Variants in TJP2 observed in about 807,000 individuals in gnomAD.
TJP2 encodes Friedreich ataxia region gene X104 (tight junction protein ZO-2).
A neutral mutation model predicts 133.1 loss-of-function variants in TJP2; 91 were observed. The ratio of observed to expected loss-of-function variants is 0.68; its 90% CI spans 0.58 to 0.81. The LOEUF (loss-of-function observed/expected upper bound fraction) is 0.81. Ranked by LOEUF, TJP2 falls within the 40% of genes least tolerant of loss-of-function variation. The probability of loss-of-function intolerance (pLI) is 0.00; values close to 1 mark genes in which losing one functional copy is unlikely to be tolerated. For synonymous variants in TJP2, 592 were observed against 583.4 expected (o/e 1.01, Z -0.21); for missense variants, 1,541 against 1,565.6 (o/e 0.98, Z 0.26).
chr9:69,157,588 C>G (rs984141235), intron 2 of TJP2, among the ~76,000 whole-genome samples: 1 of 151,762 alleles, frequency 6.6e-6, no homozygotes, highest in Non-Finnish European at 1.5e-5. Context: ...GCCTCAGCCT[C>G]TTGAGTAGCT....
intron 1 of TJP2, among the ~76,000 whole-genome samples, chr9:69,191,690 A>G (rs1376467131): frequency 6.6e-6 from 1 of 152,170 alleles, no homozygotes; most frequent in Non-Finnish European, 1.5e-5. Context: ...TCAAAGTCTG[A>G]TGTACAATAG....
At chr9:69,193,049 G>T (rs1330782149) in intron 1 of TJP2, among the ~76,000 whole-genome samples, 1 of 151,322 alleles carries the variant, frequency 6.6e-6, no homozygotes, top group African/African-American at 2.4e-5. Flanking sequence ...CTGAGTAGCT[G>T]GCACTACAGG....
intron 9 of TJP2, 24 bp from the exon 10 acceptor site, chr9:69,229,160 C>T: frequency 6.2e-7 from 1 of 1,609,040 alleles, no homozygotes; most frequent in Non-Finnish European, 8.5e-7. Context: ...AGATTGATAA[C>T]AGTAGATGTT....
intron 22 of TJP2, 27 bp downstream of exon 22, chr9:69,252,927 C>G: frequency 6.2e-7 from 1 of 1,607,702 alleles, no homozygotes. Flanking sequence ...GGGTACAGGT[C>G]TAAGGCGGGG....
chr9:69,162,245 TAAG>T (rs1824119609), intron 2 of TJP2, among the ~76,000 whole-genome samples: 1 of 150,064 alleles, frequency 6.7e-6, no homozygotes, highest in Non-Finnish European at 1.5e-5. Context: ...ACTTTACTAT[TAAG>T]TAAATATTGT....
rs183021340 is a variant in TJP2 at position 69,196,089 on chromosome 9, A to G, written c.61-16459A>G. 3.1e-4 allele frequency among the ~76,000 whole-genome samples: 47 copies of G among 152,256 alleles called. 1 individual carries two copies. The highest frequency in any genetic ancestry group is 9.4e-4 in the African/African-American group (39 of 41,542). On this transcript the variant is annotated intron_variant, in intron 1 of 22. Transcript: ENST00000377245. ...GCAGTGCTCTCTCCACAGCCTCCCAATGTGCTGGGATTACAGGCATGAGAC... is the reference window on the plus strand; with the variant it reads ...GCAGTGCTCTCTCCACAGCCTCCCAGTGTGCTGGGATTACAGGCATGAGAC...
rs539658151 is a variant in TJP2, at chr9:69,244,425, C to T, written c.2567-2265C>T. Among the ~76,000 whole-genome samples the T allele has an allele frequency of 2.6e-5, 4 of 152,256 alleles. No individual in the cohort carries two copies. The South Asian group carries it at 8.3e-4, about 32-fold the overall frequency. The stretch of plus-strand genomic sequence containing the variant: ...TCCTTGGCTGGGGAGGGGGAGGTAG[C>T]ACTGACCATACATGTCAGGGCTGGG... On this transcript the variant is annotated intron_variant, in intron 17 of 22. Transcript: ENST00000377245.
At chr9:69,158,967 T>C (rs1020577009) in intron 2 of TJP2, among the ~76,000 whole-genome samples, 1 of 150,806 alleles carries the variant, frequency 6.6e-6, no homozygotes, top group Non-Finnish European at 1.5e-5. Context: ...GCAATCCCCT[T>C]GGGCAGGATT....
upstream of TJP2, among the ~76,000 whole-genome samples, chr9:69,170,425 T>C (rs531453349): frequency 3.3e-4 from 50 of 152,340 alleles, no homozygotes; most frequent in African/African-American, 1.2e-3. Context: ...CAATTTTAAA[T>C]GATGGTCTGC....
chr9:69,184,712 C>G (rs2133018705), intron 1 of TJP2, among the ~76,000 whole-genome samples: 1 of 150,792 alleles, frequency 6.6e-6, no homozygotes, highest in South Asian at 2.1e-4. Context: ...TCCTCAAGAA[C>G]TGCTGCTGCA....
rs1477815331 is a variant in TJP2, at chr9:69,196,960, C to T, written c.61-15588C>T. On this transcript the variant is annotated intron_variant, in intron 1 of 22. Transcript: ENST00000377245. Reference sequence around the variant, plus strand: ...GTGTGTGTGTGTACACACACACACACACACACACACACACACATGTTTTCT... The same window carrying T: ...GTGTGTGTGTGTACACACACACACATACACACACACACACACATGTTTTCT... Among the ~76,000 whole-genome samples the T allele has an allele frequency of 5.3e-5, 8 of 151,482 alleles. No homozygotes were observed. The South Asian group carries it at 1.5e-3, about 28-fold the overall frequency.
chr9:69,169,403 G>C (rs948167403), upstream of TJP2, among the ~76,000 whole-genome samples: 1 of 147,888 alleles, frequency 6.8e-6, no homozygotes, highest in Non-Finnish European at 1.5e-5. Flanking sequence ...TTGTCGCCCA[G>C]GCTGGAGTGC....
At chr9:69,189,856 C>G (rs1826095843) in intron 1 of TJP2, among the ~76,000 whole-genome samples, 1 of 110,152 alleles carries the variant, frequency 9.1e-6, no homozygotes, top group East Asian at 2.3e-4. Context: ...GCCTGTAATC[C>G]CAGCACTTTG....
intron 10 of TJP2, 152 bp downstream of exon 10, chr9:69,229,402 AAG>A: frequency 1.3e-6 from 1 of 787,742 alleles, no homozygotes; most frequent in Non-Finnish European, 2.3e-6. Context: ...GCTTATGAGA[AAG>A]AGGAATGATT....
intron 1 of TJP2, among the ~76,000 whole-genome samples, chr9:69,142,592 A>T (rs186904962): frequency 7.8e-6 from 1 of 128,324 alleles, no homozygotes; most frequent in African/African-American, 2.9e-5. Flanking sequence ...ACCACACCCT[A>T]TAAAACAGAC....
At chr9:69,152,693 C>T (rs1823533754) in intron 2 of TJP2, among the ~76,000 whole-genome samples, 1 of 152,104 alleles carries the variant, frequency 6.6e-6, no homozygotes, top group Non-Finnish European at 1.5e-5. Context: ...CAGGCCCATG[C>T]TAAGGCCTTT....
chr9:69,145,242 TAG>T (rs1174428663), intron 1 of TJP2, among the ~76,000 whole-genome samples: 1 of 152,168 alleles, frequency 6.6e-6, no homozygotes, highest in African/African-American at 2.4e-5. Context: ...CACAGGCTTT[TAG>T]AGAGAGAGAT....
At chr9:69,224,123 ATGTTTT>A (rs1563930159) in intron 5 of TJP2, among the ~76,000 whole-genome samples, 1 of 151,990 alleles carries the variant, frequency 6.6e-6, no homozygotes, top group African/African-American at 2.4e-5. Context: ...AGTAATTACA[ATGTTTT>A]TGTTTTTGAT....
At position 69,162,440 on chromosome 9, in the gene TJP2, C is replaced by T. The variant is rs138460681; in HGVS notation, c.-10+10669C>T. Among the ~76,000 whole-genome samples, 15 of 152,190 alleles carry T rather than the reference C, an allele frequency of 9.9e-5. No homozygotes were observed. The East Asian group carries it at 2.9e-3, about 29-fold the overall frequency. On this transcript the variant is annotated intron_variant, in intron 2 of 5. Coordinates refer to the TJP2 transcript ENST00000423935. ...CACTTAACACATCTTATGAATTCTG[C>T]GTGAGTCTTACAAGCTACTTATTTC...
Sources: allele counts gnomAD v4.1 joint callset (sites outside exome capture counted in the v4.1 genomes callset), GRCh38; gene constraint gnomAD v4.1.1; transcripts MANE v1.5; gene names NCBI Gene and HGNC (gene_info 2026-07-23, HGNC 2026-07-21).